Variants in ZC3H12B observed in about 807,000 individuals in gnomAD.
ZC3H12B encodes the protein zinc finger CCCH-type containing 12B, also known as probable ribonuclease ZC3H12B.
In ZC3H12B, 7 loss-of-function variants were observed where a neutral mutation model predicts 43.9. The ratio of observed to expected loss-of-function variants is 0.16; its 90% confidence interval spans 0.09 to 0.30. The LOEUF (loss-of-function observed/expected upper bound fraction) is 0.30. ZC3H12B is among the 10% of genes least tolerant of loss of function. The probability of loss-of-function intolerance (pLI) is 1.00; values close to 1 mark genes in which losing one functional copy is unlikely to be tolerated. For missense variants in ZC3H12B, 475 were observed against 670.2 expected (o/e 0.71, Z 3.22); for synonymous variants, 222 against 241.7 (o/e 0.92, Z 0.76).
At chrX:65,178,690 G>A in the ZC3H12B span, among the ~76,000 whole-genome samples, 549 of 112,558 alleles carry the variant, frequency 4.9e-3, 1 homozygote, top group African/African-American at 0.017. Context: ...TTAGAGAATG[G>A]CAAATCAAAA....
chrX:65,362,532 C>A (rs941230107), upstream of ZC3H12B, among the ~76,000 whole-genome samples: 1 of 110,689 alleles, frequency 9.0e-6, no homozygotes, highest in Admixed American at 9.6e-5. Flanking sequence ...CTCATTGCTG[C>A]CCTTTTCCCC....
chrX:65,050,078 C>T, the ZC3H12B span, among the ~76,000 whole-genome samples: 1 of 110,932 alleles, frequency 9.0e-6, no homozygotes, highest in Non-Finnish European at 1.9e-5. Context: ...TTTTAATGTA[C>T]ATATTTTGAA....
At chrX:65,394,840 G>A (rs980689436) in intron 2 of ZC3H12B, among the ~76,000 whole-genome samples, 1 of 112,028 alleles carries the variant, frequency 8.9e-6, no homozygotes, top group Non-Finnish European at 1.9e-5. Context: ...CATAAGCATG[G>A]AATGTTTTTC....
intron 2 of ZC3H12B, among the ~76,000 whole-genome samples, chrX:65,390,726 G>C (rs375915694): frequency 9.4e-6 from 1 of 106,159 alleles, no homozygotes; most frequent in Non-Finnish European, 1.9e-5. Flanking sequence ...TCAAATATAC[G>C]TAAGAGATAT....
At chrX:65,375,601 T>C (rs2066335805) in intron 2 of ZC3H12B, among the ~76,000 whole-genome samples, 1 of 111,644 alleles carries the variant, frequency 9.0e-6, no homozygotes, top group Non-Finnish European at 1.9e-5. Flanking sequence ...GAATACCAGC[T>C]CAGCCACAGT....
At chrX:65,074,949 C>T in the ZC3H12B span, among the ~76,000 whole-genome samples, 2 of 111,655 alleles carry the variant, frequency 1.8e-5, no homozygotes, top group African/African-American at 3.3e-5. Flanking sequence ...AGGGTCAGTT[C>T]CTGGAGACTT....
At chrX:65,446,671 C>T (rs1375980113) in intron 3 of ZC3H12B, among the ~76,000 whole-genome samples, 2 of 111,786 alleles carry the variant, frequency 1.8e-5, no homozygotes, top group East Asian at 2.8e-4. Flanking sequence ...TCACTGTATT[C>T]ACCCTCCCTC....
the ZC3H12B span, among the ~76,000 whole-genome samples, chrX:65,267,796 T>C: frequency 9.0e-6 from 1 of 111,414 alleles, no homozygotes; most frequent in Non-Finnish European, 1.9e-5. Flanking sequence ...AAGAAGTTTA[T>C]AGCAATAAAT....
chrX:65,206,662 G>C, the ZC3H12B span, among the ~76,000 whole-genome samples: 1 of 111,223 alleles, frequency 9.0e-6, no homozygotes, highest in Non-Finnish European at 1.9e-5. Flanking sequence ...TAAATAGATA[G>C]GACTTAATTA....
At chrX:65,147,366 C>G in the ZC3H12B span, among the ~76,000 whole-genome samples, 2 of 111,172 alleles carry the variant, frequency 1.8e-5, no homozygotes, top group African/African-American at 6.5e-5. Context: ...GGATCTTGAG[C>G]CTGAATCTAT....
the ZC3H12B span, among the ~76,000 whole-genome samples, chrX:65,278,043 AAAT>A: frequency 8.9e-6 from 1 of 112,112 alleles, no homozygotes; most frequent in Non-Finnish European, 1.9e-5. Flanking sequence ...CTTCAAAAAT[AAAT>A]AATATCCATC....
chrX:65,043,815 G>C, the ZC3H12B span, among the ~76,000 whole-genome samples: 1 of 111,917 alleles, frequency 8.9e-6, no homozygotes, highest in East Asian at 2.8e-4. Context: ...TAATTAATTT[G>C]ATTATATAAT....
chrX:65,391,610 G>A (rs780749465), intron 2 of ZC3H12B, among the ~76,000 whole-genome samples: 10 of 111,803 alleles, frequency 8.9e-5, no homozygotes, highest in Non-Finnish European at 1.7e-4. Context: ...GGAGAAACTG[G>A]TCTCTAGGTA....
At chrX:65,451,095 A>G (rs13440669) in intron 3 of ZC3H12B, among the ~76,000 whole-genome samples, 1 of 108,053 alleles carries the variant, frequency 9.3e-6, no homozygotes, top group Non-Finnish European at 1.9e-5. Flanking sequence ...TTACAGGCGC[A>G]TGCCACCATG....
At chrX:65,479,892 T>G (rs2068043377) in intron 3 of ZC3H12B, among the ~76,000 whole-genome samples, 1 of 112,617 alleles carries the variant, frequency 8.9e-6, no homozygotes, top group East Asian at 2.8e-4. Flanking sequence ...TTAGCGAGTT[T>G]AAATACCCTC....
chrX:65,129,577 G>A, the ZC3H12B span, among the ~76,000 whole-genome samples: 1 of 110,898 alleles, frequency 9.0e-6, no homozygotes, highest in Admixed American at 9.6e-5. Flanking sequence ...GTTAAGGCAA[G>A]AACCAGCCAT....
At chrX:65,344,863 G>T in the ZC3H12B span, among the ~76,000 whole-genome samples, 6 of 111,741 alleles carry the variant, frequency 5.4e-5, no homozygotes, top group African/African-American at 1.9e-4. Flanking sequence ...AAATTTACAA[G>T]GAAAAAACAA....
chrX:65,352,245 T>C, the ZC3H12B span, among the ~76,000 whole-genome samples: 66 of 111,670 alleles, frequency 5.9e-4, no homozygotes, highest in African/African-American at 2.0e-3. Context: ...ATGTTCTCAT[T>C]CATAAGTGGG....
intron 2 of ZC3H12B, among the ~76,000 whole-genome samples, chrX:65,373,947 T>TTTATATATATATACTA (rs2066292909): frequency 2.2e-5 from 1 of 45,800 alleles, no homozygotes; most frequent in African/African-American, 2.2e-4. Flanking sequence ...ATATATATAG[T>TTTATATATATATACTA]TATATATATA....
Sources: gnomAD v4.1 joint callset for allele counts (sites outside exome capture counted in the v4.1 genomes callset) on GRCh38, gnomAD v4.1.1 for gene constraint, MANE v1.5 for transcripts, NCBI Gene and HGNC (gene_info 2026-07-23, HGNC 2026-07-21) for gene names.